Variants in P2RX7 observed in about 807,000 individuals in gnomAD.
P2RX7 encodes P2X purinoceptor 7.
In P2RX7, 62 loss-of-function variants were observed where a neutral mutation model predicts 71.6. The observed-to-expected ratio is 0.87, with a 90% CI of 0.71 to 1.07. The LOEUF is 1.07. Ranked by LOEUF, P2RX7 falls within the 50% of genes least tolerant of loss-of-function variation. The pLI is 0.00. For missense variants in P2RX7, 686 were observed against 748.5 expected, an observed-to-expected ratio of 0.92 and a Z score of 0.97; for synonymous variants, 299 against 283.3, an observed-to-expected ratio of 1.06 and a Z score of -0.56.
chr12:121,163,211 G>A (rs992761883), intron 5 of P2RX7, among the ~76,000 whole-genome samples: 1 of 152,050 alleles, frequency 6.6e-6, no homozygotes, highest in African/African-American at 2.4e-5. Context: ...GAGTTTCAGT[G>A]TCCTCACCTG....
chr12:121,165,711 C>T (rs1880874912), intron 6 of P2RX7, among the ~76,000 whole-genome samples: 1 of 152,204 alleles, frequency 6.6e-6, no homozygotes, highest in Non-Finnish European at 1.5e-5. Context: ...AGCTCAGTTC[C>T]TCACCACGTG....
At chr12:121,176,832 G>C (rs1419323317) in intron 9 of P2RX7, among the ~76,000 whole-genome samples, 4 of 151,674 alleles carry the variant, frequency 2.6e-5, no homozygotes, top group African/African-American at 9.7e-5. Context: ...AAACCTTTTG[G>C]AGGAGAAGCT....
intron 1 of P2RX7, among the ~76,000 whole-genome samples, chr12:121,153,251 C>G (rs1280054314): frequency 6.6e-6 from 1 of 152,222 alleles, no homozygotes; most frequent in African/African-American, 2.4e-5. Flanking sequence ...TCTTGGCCCA[C>G]TCTGTCTCAG....
intron 8 of P2RX7, among the ~76,000 whole-genome samples, chr12:121,174,337 G>A (rs921289245): frequency 3.3e-5 from 5 of 151,708 alleles, no homozygotes; most frequent in Non-Finnish European, 7.4e-5. Context: ...TGTGAGCCAC[G>A]GTGCCCGACC....
intron 1 of P2RX7, among the ~76,000 whole-genome samples, chr12:121,148,210 T>TTATA (rs1477130457): frequency 1.3e-5 from 2 of 150,456 alleles, no homozygotes; most frequent in African/African-American, 2.4e-5. Flanking sequence ...ATTTATTTAT[T>TTATA]TATTTATTTA....
chr12:121,134,422 T>C (rs1298613561), intron 1 of P2RX7, among the ~76,000 whole-genome samples: 1 of 152,192 alleles, frequency 6.6e-6, no homozygotes, highest in Non-Finnish European at 1.5e-5. Context: ...GATGAAGTCT[T>C]GCTCTGTTGC....
intron 1 of P2RX7, among the ~76,000 whole-genome samples, chr12:121,142,534 G>A (rs955094167): frequency 3.3e-5 from 5 of 152,098 alleles, no homozygotes; most frequent in African/African-American, 1.2e-4. Context: ...ATATCATGGA[G>A]TCTCACCGTC....
In P2RX7 at chr12:121,184,521, C is replaced by T. The variant is rs1352603238; in HGVS notation, c.1507C>T (p.Pro503Ser). The change falls in exon 13 of 13, where the codon CCG becomes TCG. Residue 503 changes from proline to serine, a missense_variant. Transcript: ENST00000328963. ...GGAGGAGCTGTGCTGCCGGAAAAAGCCGGGGGCCTGCATCACCACCTCAGA... is the reference window on the plus strand; with the variant it reads ...GGAGGAGCTGTGCTGCCGGAAAAAGTCGGGGGCCTGCATCACCACCTCAGA... ...CLEELCCRKKPGACITTSELF... is the reference protein window; with the variant it reads ...CLEELCCRKKSGACITTSELF... 1 of 1,614,228 alleles carries T rather than the reference C, an allele frequency of 6.2e-7. No homozygotes were observed. The highest frequency in any genetic ancestry group is 1.7e-5 in the Admixed American group (1 of 60,026).
chr12:121,141,200 G>A (rs904719275), intron 1 of P2RX7, among the ~76,000 whole-genome samples: 3 of 152,176 alleles, frequency 2.0e-5, no homozygotes, highest in Non-Finnish European at 4.4e-5. Flanking sequence ...AAAATAGCTG[G>A]AAACATATCA....
At chr12:121,155,426 C>G in intron 2 of P2RX7, 2 of 1,269,396 alleles carry the variant, frequency 1.6e-6, no homozygotes, top group Non-Finnish European at 2.1e-6. Flanking sequence ...AGAAAGGCAT[C>G]GGTCACTGAG....
At chr12:121,145,027 G>A (rs1041504664) in intron 1 of P2RX7, among the ~76,000 whole-genome samples, 2 of 152,128 alleles carry the variant, frequency 1.3e-5, no homozygotes, top group South Asian at 2.1e-4. Flanking sequence ...TTGGATATAC[G>A]AATCTGCAGC....
At chr12:121,168,277 T>TTTCTG (rs1195691988) in intron 8 of P2RX7, among the ~76,000 whole-genome samples, 1 of 149,700 alleles carries the variant, frequency 6.7e-6, no homozygotes, top group African/African-American at 2.4e-5. Context: ...TTTCTTTTCT[T>TTTCTG]TTCTTTTTTT....
intron 1 of P2RX7, among the ~76,000 whole-genome samples, chr12:121,142,076 G>A: frequency 6.6e-6 from 1 of 152,162 alleles, no homozygotes; most frequent in East Asian, 1.9e-4. Flanking sequence ...GGACCCCATG[G>A]CTTAGAGGGC....
rs201968894 is a variant in P2RX7 at position 121,184,292 on chromosome 12, C to G, written c.1291-13C>G. The G allele has an allele frequency of 1.6e-5, 25 of 1,575,232 alleles. No individual in the cohort carries two copies. Among genetic ancestry groups the G allele is most frequent in the Non-Finnish European group, 2.1e-5 (24 of 1,160,686 alleles). ...TTGTCATGGCTAATAGGTTTGGAAA[C>G]TTGCTTTTTCAGAGACCTGCGATGG... On this transcript the variant is annotated splice_polypyrimidine_tract_variant and intron_variant, in intron 12 of 12. Coordinates refer to ENST00000328963, the MANE Select transcript of P2RX7 (RefSeq NM_002562.6).
intron 1 of P2RX7, among the ~76,000 whole-genome samples, chr12:121,136,804 G>A (rs548189361): frequency 6.6e-6 from 1 of 151,548 alleles, no homozygotes; most frequent in Non-Finnish European, 1.5e-5. Context: ...ACACCACCAC[G>A]CCCAGCTAAT....
chr12:121,180,461 T>C lies in P2RX7; in HGVS notation c.1290+6T>C. 1.4e-6 allele frequency: 2 copies of C among 1,476,076 alleles called. No individual in the cohort carries two copies. Among genetic ancestry groups the C allele is most frequent in the Non-Finnish European group, 1.8e-6 (2 of 1,081,390 alleles). The allele number at this position is 1,476,076 out of a possible 1,614,324, so 91.4% of individuals were successfully genotyped here. A position where few individuals can be genotyped will look rare whatever the true frequency, so the allele number is the denominator to read the frequency against. Reference sequence around the variant, plus strand: ...TCAAGGGCCAAGAAGTCCCAGTAAGTTAAATCATTTTGTCTTTTTTTTTTT... The same window carrying C: ...TCAAGGGCCAAGAAGTCCCAGTAAGCTAAATCATTTTGTCTTTTTTTTTTT... On this transcript the variant is annotated splice_donor_region_variant and intron_variant, in intron 12 of 12. Coordinates refer to ENST00000328963, the MANE Select transcript of P2RX7 (RefSeq NM_002562.6).
At position 121,161,356 on chromosome 12, in the gene P2RX7, A is replaced by AT. The variant is rs58700355; in HGVS notation, c.436+390dup. Among the ~76,000 whole-genome samples, 413 of 152,058 alleles carry AT rather than the reference A, an allele frequency of 2.7e-3. 4 individuals are homozygous for AT. The highest frequency in any genetic ancestry group is 9.0e-3 in the African/African-American group (374 of 41,468). ...AGCAATACCCATATTAACCTGCAGA[A>AT]TTTTTTTTGTTTTTTATTTTATTTT... On this transcript the variant is annotated intron_variant, in intron 4 of 12. Transcript: ENST00000328963.
Position 121,161,528 on chromosome 12 carries a change from G to C in P2RX7, c.436+554G>C, listed in dbSNP as rs546591727. ...GCACAGGGCAGCGAGCGCAGAGGCT[G>C]GTGCCTGTAATCCCAGCACTTTGGG... On this transcript the variant is annotated intron_variant, in intron 4 of 12. Transcript: ENST00000328963. Among the ~76,000 whole-genome samples the C allele has an allele frequency of 2.3e-3, 351 of 150,170 alleles. 2 individuals carry two copies. Among genetic ancestry groups the C allele is most frequent in the African/African-American group, 8.0e-3 (327 of 40,778 alleles).
chr12:121,173,758 C>T (rs1036117423), intron 8 of P2RX7, among the ~76,000 whole-genome samples: 2 of 152,200 alleles, frequency 1.3e-5, no homozygotes, highest in Non-Finnish European at 2.9e-5. Context: ...CTGGCCCTCA[C>T]CCTACCTGTC....
Sources: gnomAD v4.1 joint callset for allele counts (sites outside exome capture counted in the v4.1 genomes callset) on GRCh38, gnomAD v4.1.1 for gene constraint, MANE v1.5 for transcripts, NCBI Gene and HGNC (gene_info 2026-07-23, HGNC 2026-07-21) for gene names.